Variants in EPHA3 observed in about 807,000 individuals in gnomAD.
The protein encoded by EPHA3 is ephrin type-A receptor 3.
A neutral mutation model predicts 107.1 loss-of-function variants in EPHA3; 42 were observed. The observed-to-expected ratio is 0.39, with a 90% CI of 0.31 to 0.51. The LOEUF is 0.51. Among genes scored for constraint, EPHA3 ranks in the 20% least tolerant of loss-of-function variants. The pLI, the probability that EPHA3 is intolerant of heterozygous loss-of-function variation, is 0.78. For missense variants in EPHA3, 1,183 were observed against 1,211.2 expected, an observed-to-expected ratio of 0.98 and a Z score of 0.35; for synonymous variants, 461 against 424.8, an observed-to-expected ratio of 1.09 and a Z score of -1.05.
chr3:89,159,334 T>G (rs1042856180), intron 2 of EPHA3, among the ~76,000 whole-genome samples: 1 of 152,036 alleles, frequency 6.6e-6, no homozygotes, highest in African/African-American at 2.4e-5. Flanking sequence ...GAAAATAAAT[T>G]TACTGAAAAG....
intron 3 of EPHA3, among the ~76,000 whole-genome samples, chr3:89,298,463 C>T (rs1706414249): frequency 6.6e-6 from 1 of 152,106 alleles, no homozygotes; most frequent in Non-Finnish European, 1.5e-5. Context: ...ATCCATTTCC[C>T]TTTTGTTAAG....
intron 10 of EPHA3, among the ~76,000 whole-genome samples, chr3:89,417,967 G>A (rs1000849894): frequency 6.6e-6 from 1 of 151,362 alleles, no homozygotes; most frequent in Admixed American, 6.6e-5. Flanking sequence ...AAGCTTCCCA[G>A]GGAGAGAGAC....
At position 89,426,003 on chromosome 3, in the gene EPHA3, A is replaced by G. The variant is rs540884892; in HGVS notation, c.2075-3103A>G. Among the ~76,000 whole-genome samples, 107 of 151,834 alleles carry G rather than the reference A, an allele frequency of 7.0e-4. No homozygotes were observed. The South Asian group carries it at 0.021, about 30-fold the overall frequency. ...TCTAAACTCATAAATCAACTTGAGA[A>G]CAAAAGCAAAACTCCACTGCAAATT... On this transcript the variant is annotated intron_variant, in intron 11 of 16. Coordinates refer to ENST00000336596, the MANE Select transcript of EPHA3 (RefSeq NM_005233.6).
chr3:89,125,458 T>C (rs1704073321), intron 1 of EPHA3, among the ~76,000 whole-genome samples: 1 of 151,742 alleles, frequency 6.6e-6, no homozygotes, highest in Non-Finnish European at 1.5e-5. Flanking sequence ...ATCTATAACA[T>C]TGATTAATTG....
At chr3:89,175,325 A>G (rs1324114979) in intron 2 of EPHA3, among the ~76,000 whole-genome samples, 1 of 152,106 alleles carries the variant, frequency 6.6e-6, no homozygotes, top group Non-Finnish European at 1.5e-5. Flanking sequence ...AAAAGTGTCA[A>G]TATTTTATAA....
At chr3:89,136,990 G>C (rs549871399) in intron 2 of EPHA3, among the ~76,000 whole-genome samples, 2 of 151,658 alleles carry the variant, frequency 1.3e-5, no homozygotes, top group Non-Finnish European at 2.9e-5. Context: ...CTTCAAATTA[G>C]CATATTTTCT....
chr3:89,372,910 G>A (rs1708335802), intron 5 of EPHA3, among the ~76,000 whole-genome samples: 1 of 151,632 alleles, frequency 6.6e-6, no homozygotes, highest in Non-Finnish European at 1.5e-5. Flanking sequence ...AAGAACCAAG[G>A]ATATGTCTAC....
intron 3 of EPHA3, among the ~76,000 whole-genome samples, chr3:89,283,751 T>TA (rs760673587): frequency 1.3e-5 from 2 of 152,162 alleles, no homozygotes; most frequent in Non-Finnish European, 2.9e-5. Context: ...TGATGTTCTA[T>TA]AAACATGGAG....
chr3:89,148,514 A>C (rs1255827141), intron 2 of EPHA3, among the ~76,000 whole-genome samples: 2 of 152,022 alleles, frequency 1.3e-5, no homozygotes, highest in Non-Finnish European at 2.9e-5. Context: ...TTCATGAAAC[A>C]GACATCCAAA....
At chr3:89,372,005 TA>T (rs559474252) in intron 5 of EPHA3, among the ~76,000 whole-genome samples, 3,959 of 143,762 alleles carry the variant, frequency 0.028, 162 homozygotes, top group African/African-American at 0.089. Context: ...TTTCTTCAAT[TA>T]AAAAAAAAAA....
intron 3 of EPHA3, among the ~76,000 whole-genome samples, chr3:89,283,408 TG>T (rs1705995587): frequency 6.6e-6 from 1 of 152,038 alleles, no homozygotes; most frequent in Non-Finnish European, 1.5e-5. Flanking sequence ...AGTAACAAAA[TG>T]GAGTAAACTA....
chr3:89,342,153 T>C, intron 5 of EPHA3, 63 bp downstream of exon 5: 1 of 1,440,088 alleles, frequency 6.9e-7, no homozygotes, highest in Non-Finnish European at 9.3e-7. Context: ...GTTTTGACTC[T>C]GGGTGGAAAA....
At chr3:89,283,232 T>C (rs928210466) in intron 3 of EPHA3, among the ~76,000 whole-genome samples, 1 of 152,096 alleles carries the variant, frequency 6.6e-6, no homozygotes, top group Admixed American at 6.5e-5. Flanking sequence ...TTAGTGGTAT[T>C]AGGTTTTTTG....
chr3:89,469,720 C>T (rs1162535341), intron 15 of EPHA3, among the ~76,000 whole-genome samples: 3 of 152,130 alleles, frequency 2.0e-5, no homozygotes, highest in East Asian at 1.9e-4. Flanking sequence ...ATATGTAAAA[C>T]ATTATACAGT....
intron 5 of EPHA3, among the ~76,000 whole-genome samples, chr3:89,377,991 A>C (rs1001347137): frequency 2.6e-5 from 4 of 152,104 alleles, no homozygotes; most frequent in Non-Finnish European, 5.9e-5. Flanking sequence ...TTCTTTTTTA[A>C]AACTAAGTGT....
rs1559681392 is a variant in EPHA3, at chr3:89,399,314, A to C, written c.1432-4A>C. The C allele has an allele frequency of 1.3e-6, 2 of 1,589,990 alleles. No individual in the cohort carries two copies. The highest frequency in any genetic ancestry group is 3.4e-5 in the Admixed American group (2 of 58,358). On this transcript the variant is annotated splice_region_variant and splice_polypyrimidine_tract_variant and intron_variant, in intron 6 of 16. Transcript: ENST00000336596. ...AACATGAATTTTTTTTTCTGACCTC[A>C]AAGCAGGAACAAGAAACAAGTTATA...
chr3:89,336,005 A>T (rs1401671523), intron 3 of EPHA3, among the ~76,000 whole-genome samples: 1 of 152,208 alleles, frequency 6.6e-6, no homozygotes, highest in East Asian at 1.9e-4. Flanking sequence ...CCTTGACTGT[A>T]TAGCTGGGGC....
At chr3:89,139,799 C>T (rs374134913) in intron 2 of EPHA3, among the ~76,000 whole-genome samples, 2 of 151,778 alleles carry the variant, frequency 1.3e-5, no homozygotes, top group African/African-American at 4.8e-5. Flanking sequence ...CATTCCTCCT[C>T]TCTGTGGAGG....
intron 15 of EPHA3, among the ~76,000 whole-genome samples, chr3:89,457,616 C>T (rs771108453): frequency 2.0e-5 from 3 of 152,122 alleles, no homozygotes; most frequent in African/African-American, 4.8e-5. Context: ...GGTTGGGGAC[C>T]GCTGCGATAG....
Sources: allele counts gnomAD v4.1 joint callset (sites outside exome capture counted in the v4.1 genomes callset), GRCh38; gene constraint gnomAD v4.1.1; transcripts MANE v1.5; gene names NCBI Gene and HGNC (gene_info 2026-07-23, HGNC 2026-07-21).